NRG3: variants seen among roughly 807,000 people sequenced by gnomAD.
NRG3 encodes the protein pro-neuregulin-3, membrane-bound isoform.
Under a neutral mutation model 66.9 loss-of-function variants are expected in NRG3, and 31 were observed. That is an observed-to-expected ratio of 0.46 (90% CI 0.35 to 0.63). NRG3 has a LOEUF of 0.63. Among genes scored for constraint, NRG3 ranks in the 20% least tolerant of loss-of-function variants. The pLI, the probability that NRG3 is intolerant of heterozygous loss-of-function variation, is 0.00. For synonymous variants in NRG3, 393 were observed against 359.4 expected, an observed-to-expected ratio of 1.09 and a Z score of -1.06; for missense variants, 910 against 878.9, an observed-to-expected ratio of 1.04 and a Z score of -0.45.
intron 1 of NRG3, among the ~76,000 whole-genome samples, chr10:81,881,283 G>T (rs1842158645): frequency 6.7e-6 from 1 of 149,872 alleles, no homozygotes; most frequent in South Asian, 2.1e-4. Context: ...TTAACGTCTT[G>T]CTTCAAGTTG....
chr10:82,881,608 AAC>A (rs956527036), intron 4 of NRG3, among the ~76,000 whole-genome samples: 20 of 152,080 alleles, frequency 1.3e-4, no homozygotes, highest in African/African-American at 4.1e-4. Context: ...CACTGTAATA[AAC>A]ACACACACAC....
chr10:82,382,032 C>A (rs754275109), intron 2 of NRG3, among the ~76,000 whole-genome samples: 7 of 152,062 alleles, frequency 4.6e-5, no homozygotes, highest in African/African-American at 1.2e-4. Flanking sequence ...AGTATAAGTT[C>A]TTTTTCTTCA....
chr10:82,793,942 T>C (rs1241933957), intron 3 of NRG3, among the ~76,000 whole-genome samples: 9 of 152,138 alleles, frequency 5.9e-5, no homozygotes, highest in Non-Finnish European at 1.5e-5. Flanking sequence ...TCTACCAAAT[T>C]CTCTTTCACT....
At chr10:82,636,405 T>C (rs2133774424) in intron 2 of NRG3, among the ~76,000 whole-genome samples, 1 of 152,292 alleles carries the variant, frequency 6.6e-6, no homozygotes. Flanking sequence ...AACATTAGTT[T>C]GCAAGAAAAG....
chr10:82,833,849 A>G (rs1410093152), intron 3 of NRG3, among the ~76,000 whole-genome samples: 1 of 152,176 alleles, frequency 6.6e-6, no homozygotes, highest in Non-Finnish European at 1.5e-5. Flanking sequence ...ATTTGAGTGC[A>G]TTTTTGAAGT....
At chr10:82,874,273 AC>A (rs1841605694) in intron 4 of NRG3, among the ~76,000 whole-genome samples, 1 of 152,058 alleles carries the variant, frequency 6.6e-6, no homozygotes, top group Non-Finnish European at 1.5e-5. Context: ...TCTTAGAGCT[AC>A]CCTGCATATT....
chr10:82,657,718 A>C (rs2051984531), intron 2 of NRG3, among the ~76,000 whole-genome samples: 1 of 152,156 alleles, frequency 6.6e-6, no homozygotes, highest in Non-Finnish European at 1.5e-5. Flanking sequence ...TTCTATAGGC[A>C]TTGAAAAGAC....
intron 4 of NRG3, among the ~76,000 whole-genome samples, chr10:82,867,129 G>A (rs1840830876): frequency 6.6e-6 from 1 of 152,274 alleles, no homozygotes; most frequent in African/African-American, 2.4e-5. Flanking sequence ...AAAGACGGTA[G>A]CAATTTATTT....
At chr10:82,158,768 A>G (rs1324711802) in intron 1 of NRG3, among the ~76,000 whole-genome samples, 1 of 151,880 alleles carries the variant, frequency 6.6e-6, no homozygotes, top group Non-Finnish European at 1.5e-5. Context: ...GAGAAGTGGC[A>G]TATTATTTTT....
chr10:82,492,836 T>G (rs1843272889), intron 2 of NRG3, among the ~76,000 whole-genome samples: 1 of 152,232 alleles, frequency 6.6e-6, no homozygotes, highest in Non-Finnish European at 1.5e-5. Context: ...CAGTGATCTC[T>G]CTAATGTTAG....
intron 1 of NRG3, among the ~76,000 whole-genome samples, chr10:81,925,914 A>G (rs896288785): frequency 6.6e-5 from 10 of 152,070 alleles, no homozygotes; most frequent in African/African-American, 2.4e-4. Flanking sequence ...ATTCTTTTGT[A>G]TAGCTCTCCC....
chr10:82,138,750 G>T (rs1203596699), intron 1 of NRG3, among the ~76,000 whole-genome samples: 1 of 152,244 alleles, frequency 6.6e-6, no homozygotes, highest in East Asian at 1.9e-4. Flanking sequence ...AACCACTGGT[G>T]TAAGTTCAAG....
chr10:81,961,172 A>G (rs559558647), intron 1 of NRG3, among the ~76,000 whole-genome samples: 1 of 152,204 alleles, frequency 6.6e-6, no homozygotes, highest in Non-Finnish European at 1.5e-5. Context: ...ATATGAATTA[A>G]CATGTATAAT....
chr10:82,789,799 T>C (rs2060511063), intron 3 of NRG3, among the ~76,000 whole-genome samples: 1 of 152,114 alleles, frequency 6.6e-6, no homozygotes, highest in African/African-American at 2.4e-5. Context: ...TAAATGAATA[T>C]ATTAAAATAC....
chr10:82,911,176 A>G (rs1348127309), intron 4 of NRG3, among the ~76,000 whole-genome samples: 2 of 152,146 alleles, frequency 1.3e-5, no homozygotes, highest in Admixed American at 6.5e-5. Context: ...ATGCCTGCTA[A>G]TTTTGAGTTG....
At chr10:82,400,323 T>A (rs2086996525) in intron 2 of NRG3, among the ~76,000 whole-genome samples, 1 of 152,120 alleles carries the variant, frequency 6.6e-6, no homozygotes, top group African/African-American at 2.4e-5. Flanking sequence ...TTGGCTACTG[T>A]TATTTAAATT....
intron 2 of NRG3, among the ~76,000 whole-genome samples, chr10:82,535,333 A>G (rs1285357029): frequency 1.3e-5 from 2 of 151,912 alleles, no homozygotes; most frequent in African/African-American, 4.8e-5. Context: ...GGATGTAGAT[A>G]TTACACAGGT....
At chr10:82,059,582 A>C (rs559464730) in intron 1 of NRG3, among the ~76,000 whole-genome samples, 2 of 152,286 alleles carry the variant, frequency 1.3e-5, no homozygotes, top group East Asian at 3.9e-4. Flanking sequence ...TTGAATAACA[A>C]AGTGACAATG....
At chr10:81,902,365 G>C (rs368857283) in intron 1 of NRG3, among the ~76,000 whole-genome samples, 15 of 152,160 alleles carry the variant, frequency 9.9e-5, no homozygotes, top group African/African-American at 3.6e-4. Context: ...AAATTTCTGT[G>C]TTAAAATCCT....
Sources: allele counts gnomAD v4.1 joint callset (sites outside exome capture counted in the v4.1 genomes callset), GRCh38; gene constraint gnomAD v4.1.1; transcripts MANE v1.5; gene names NCBI Gene and HGNC (gene_info 2026-07-23, HGNC 2026-07-21).